VWA3B: variants seen among roughly 807,000 people sequenced by gnomAD.
The protein encoded by VWA3B is von Willebrand factor A domain containing 3B, also known as von Willebrand factor A domain-containing protein 3B.
VWA3B carries 138 observed loss-of-function variants against 158.3 expected under a neutral mutation model. That is an observed-to-expected ratio of 0.87 (90% CI 0.76 to 1.00). VWA3B has a LOEUF of 1.00. Among genes scored for constraint, VWA3B ranks in the 50% least tolerant of loss-of-function variants. VWA3B has a pLI of 0.00. For missense variants in VWA3B, 1,555 were observed against 1,565.1 expected (o/e 0.99, Z 0.11); for synonymous variants, 596 against 587.3 (o/e 1.01, Z -0.21).
At chr2:98,261,158 C>T (rs1392780095) in intron 21 of VWA3B, among the ~76,000 whole-genome samples, 4 of 151,598 alleles carry the variant, frequency 2.6e-5, no homozygotes, top group African/African-American at 4.8e-5. Flanking sequence ...TCGTTGTGAT[C>T]GCTCTTTATT....
intron 22 of VWA3B, among the ~76,000 whole-genome samples, chr2:98,283,165 GACTCT>G (rs1023321911): frequency 2.6e-5 from 4 of 152,194 alleles, no homozygotes; most frequent in African/African-American, 9.7e-5. Context: ...TAAATTACGT[GACTCT>G]ACTCATTCAG....
intron 14 of VWA3B, among the ~76,000 whole-genome samples, chr2:98,227,096 A>C (rs1326526341): frequency 6.6e-6 from 1 of 152,248 alleles, no homozygotes; most frequent in Non-Finnish European, 1.5e-5. Flanking sequence ...GAAGAGAAGA[A>C]GTCAAATTGT....
chr2:98,214,613 C>T (rs1683819142), intron 13 of VWA3B, among the ~76,000 whole-genome samples: 1 of 152,058 alleles, frequency 6.6e-6, no homozygotes, highest in African/African-American at 2.4e-5. Context: ...TTTAAAAAAA[C>T]AACTGTTAGC....
chr2:98,161,213 G>C (rs774725280), intron 7 of VWA3B, among the ~76,000 whole-genome samples: 5 of 152,250 alleles, frequency 3.3e-5, no homozygotes, highest in Non-Finnish European at 5.9e-5. Flanking sequence ...CCAAGGGGCA[G>C]GGACTGCCAG....
rs533029331 is a variant in VWA3B at position 98,090,820 on chromosome 2, A to G, written c.-32-2241A>G. Among the ~76,000 whole-genome samples, 113 of 151,926 alleles carry G rather than the reference A, an allele frequency of 7.4e-4. 1 individual carries two copies. The Middle Eastern group carries it at 0.01, about 14-fold the overall frequency. ...GCCCAGGCTGGAGTGCAGTGGTGCA[A>G]TTAGAGCTCACTGCAACCTCGAACT... On this transcript the variant is annotated intron_variant, in intron 1 of 27. Transcript: ENST00000477737.
chr2:98,160,842 G>A (rs758156762), intron 7 of VWA3B, among the ~76,000 whole-genome samples: 39 of 152,330 alleles, frequency 2.6e-4, no homozygotes, highest in South Asian at 2.3e-3. Context: ...CATGGTAGCC[G>A]TCCGTCTCTG....
At chr2:98,256,765 A>C (rs1687179638) in intron 21 of VWA3B, among the ~76,000 whole-genome samples, 1 of 152,138 alleles carries the variant, frequency 6.6e-6, no homozygotes, top group Non-Finnish European at 1.5e-5. Flanking sequence ...GAACCACCAA[A>C]CTGTTTTTCC....
At chr2:98,094,405 A>G (rs1682573833) in intron 2 of VWA3B, among the ~76,000 whole-genome samples, 1 of 152,122 alleles carries the variant, frequency 6.6e-6, no homozygotes, top group South Asian at 2.1e-4. Context: ...CATTTTTTTC[A>G]TATACCTGTT....
At chr2:98,134,473 C>T (rs1156267729) in intron 7 of VWA3B, among the ~76,000 whole-genome samples, 1 of 152,090 alleles carries the variant, frequency 6.6e-6, no homozygotes, top group East Asian at 1.9e-4. Context: ...ATGAGGTCAC[C>T]AAATCAGCGG....
Position 98,125,001 on chromosome 2 carries a change from A to G in VWA3B, c.703-3238A>G, listed in dbSNP as rs1675248059. Among the ~76,000 whole-genome samples the G allele has an allele frequency of 6.6e-6, 1 of 152,218 alleles. No homozygotes were observed. Among genetic ancestry groups the G allele is most frequent in the Non-Finnish European group, 1.5e-5 (1 of 68,040 alleles). On this transcript the variant is annotated intron_variant, in intron 5 of 27. Transcript: ENST00000477737. This position sits in a 1 kb window ranked among gnomAD's most constrained non-coding sequence, Gnocchi z 4.1. The stretch of plus-strand genomic sequence containing the variant: ...TTTTTACTCACTCTAAAGGAGCTGA[A>G]TGGAACTCATGTATTTTATCAAATT...
At chr2:98,229,974 C>G in intron 15 of VWA3B, 76 bp from the exon 16 acceptor site, 1 of 1,470,532 alleles carries the variant, frequency 6.8e-7, no homozygotes, top group Non-Finnish European at 9.1e-7. Flanking sequence ...AATGTATTGA[C>G]TTAACTCTGC....
At chr2:98,277,657 G>C (rs544719593) in intron 22 of VWA3B, among the ~76,000 whole-genome samples, 1 of 152,228 alleles carries the variant, frequency 6.6e-6, no homozygotes, top group African/African-American at 2.4e-5. Context: ...ATGGCCTTCA[G>C]GGGTGGGGAA....
rs1167662223 is a variant in VWA3B at position 98,207,600 on chromosome 2, G to A, written c.1738-4330G>A. ...ATATGGGGAAGTCAGTACTCCTGAAGGAGACCATTAAAGGATTTCAGCAGA... is the reference window on the plus strand; with the variant it reads ...ATATGGGGAAGTCAGTACTCCTGAAAGAGACCATTAAAGGATTTCAGCAGA... On this transcript the variant is annotated intron_variant, in intron 12 of 27. Transcript: ENST00000477737. 3 of 501,922 alleles carry A rather than the reference G, an allele frequency of 6.0e-6. No individual in the cohort carries two copies. In the Admixed American group the frequency reaches 6.3e-5, roughly 11 times the overall value. The allele number at this position is 501,922 out of a possible 1,614,324, so 31.1% of individuals were successfully genotyped here.
chr2:98,302,279 C>T (rs1262709453), intron 25 of VWA3B, among the ~76,000 whole-genome samples: 1 of 152,204 alleles, frequency 6.6e-6, no homozygotes, highest in Non-Finnish European at 1.5e-5. Flanking sequence ...TCAGGTTCCT[C>T]CTGTCCACTA....
intron 21 of VWA3B, among the ~76,000 whole-genome samples, chr2:98,258,054 C>T (rs1687263576): frequency 6.6e-6 from 1 of 151,694 alleles, no homozygotes; most frequent in African/African-American, 2.4e-5. Context: ...AGTAGGGTTC[C>T]AACTTCATTC....
Position 98,234,772 on chromosome 2 carries a change from G to A in VWA3B, c.2428+5G>A. On this transcript the variant is annotated splice_donor_5th_base_variant and intron_variant, in intron 17 of 27. Transcript: ENST00000477737. Reference sequence around the variant, plus strand: ...GGACTGCTCTAAGTGACAAAGGCAAGCCAGAAAGCATCTCTGTGGCCAACC... The same window carrying A: ...GGACTGCTCTAAGTGACAAAGGCAAACCAGAAAGCATCTCTGTGGCCAACC... 28 of 1,614,124 alleles carry A rather than the reference G, an allele frequency of 1.7e-5. No individual in the cohort carries two copies. The highest frequency in any genetic ancestry group is 2.2e-5 in the Non-Finnish European group (26 of 1,180,000).
At chr2:98,324,253 C>T in the VWA3B span, among the ~76,000 whole-genome samples, 7 of 152,090 alleles carry the variant, frequency 4.6e-5, no homozygotes, top group Non-Finnish European at 8.8e-5. Context: ...ATCTCTGCCT[C>T]CCAAGTTCAA....
chr2:98,160,512 G>A (rs917282398), intron 7 of VWA3B, among the ~76,000 whole-genome samples: 8 of 152,114 alleles, frequency 5.3e-5, no homozygotes, highest in African/African-American at 1.7e-4. Flanking sequence ...ACATTTCCCT[G>A]TCCCTGGATG....
chr2:98,168,093 A>G (rs1283452293), intron 8 of VWA3B, among the ~76,000 whole-genome samples: 2 of 152,226 alleles, frequency 1.3e-5, no homozygotes, highest in African/African-American at 2.4e-5. Flanking sequence ...AGGCATGAAA[A>G]GAAGCAGAAA....
Sources: allele counts gnomAD v4.1 joint callset (sites outside exome capture counted in the v4.1 genomes callset), GRCh38; gene constraint gnomAD v4.1.1; non-coding constraint Gnocchi (gnomAD v3.1); transcripts MANE v1.5; gene names NCBI Gene and HGNC (gene_info 2026-07-23, HGNC 2026-07-21).